The following CDKAL1 variants were observed in gnomAD, a reference collection of about 807,000 sequenced individuals.
CDKAL1 encodes the protein CDKAL1 threonylcarbamoyladenosine tRNA methylthiotransferase.
CDKAL1 carries 32 observed loss-of-function variants against 68.2 expected under a neutral mutation model. The observed-to-expected ratio is 0.47, with a 90% CI of 0.35 to 0.63. The LOEUF (loss-of-function observed/expected upper bound fraction) is 0.63. CDKAL1 is among the 30% of genes least tolerant of loss of function. The probability of loss-of-function intolerance (pLI) is 0.00; values close to 1 mark genes in which losing one functional copy is unlikely to be tolerated. For synonymous variants in CDKAL1, 234 were observed against 244.3 expected (o/e 0.96, Z 0.39); for missense variants, 606 against 696.7 (o/e 0.87, Z 1.47).
At chr6:20,946,929 A>G (rs1199277648) in intron 9 of CDKAL1, among the ~76,000 whole-genome samples, 1 of 152,094 alleles carries the variant, frequency 6.6e-6, no homozygotes, top group African/African-American at 2.4e-5. Flanking sequence ...TGCTTTTAAA[A>G]TTTTTATTAG....
chr6:20,784,549 C>T (rs958430344), intron 8 of CDKAL1, among the ~76,000 whole-genome samples: 2 of 149,692 alleles, frequency 1.3e-5, no homozygotes, highest in East Asian at 2.0e-4. Context: ...CTCAGCCTCC[C>T]GAGTAGCTGG....
chr6:21,021,767 C>T (rs1768682553), intron 11 of CDKAL1, among the ~76,000 whole-genome samples: 1 of 152,136 alleles, frequency 6.6e-6, no homozygotes, highest in South Asian at 2.1e-4. Context: ...ATTTACCTCA[C>T]CTAAGGTAGC....
At chr6:21,159,726 G>A (rs976507936) in intron 13 of CDKAL1, among the ~76,000 whole-genome samples, 1 of 152,190 alleles carries the variant, frequency 6.6e-6, no homozygotes, top group Non-Finnish European at 1.5e-5. Context: ...TCTGAACAGC[G>A]ACACCTAATT....
intron 13 of CDKAL1, among the ~76,000 whole-genome samples, chr6:21,112,553 T>C (rs1214601191): frequency 6.6e-6 from 1 of 152,228 alleles, no homozygotes; most frequent in African/African-American, 2.4e-5. Flanking sequence ...TGGACACACT[T>C]GAGAAGAAAC....
In CDKAL1 at chr6:20,748,700, G is replaced by A. The variant is rs759116766; in HGVS notation, c.468+9085G>A. 9.9e-4 allele frequency among the ~76,000 whole-genome samples: 150 copies of A among 150,886 alleles called. 1 individual carries two copies. Among genetic ancestry groups the A allele is most frequent in the Non-Finnish European group, 5.3e-4 (36 of 67,900 alleles). On this transcript the variant is annotated intron_variant, in intron 6 of 15. Coordinates refer to ENST00000274695, the MANE Select transcript of CDKAL1 (RefSeq NM_017774.3). The stretch of plus-strand genomic sequence containing the variant: ...ATAAAGCCAAGCATACCAAGGATAT[G>A]CACTCAACTGAAGTTTTTTCAACAA...
Position 20,942,263 on chromosome 6 carries a change from T to G in CDKAL1, c.743-13156T>G, listed in dbSNP as rs182050445. Among the ~76,000 whole-genome samples the G allele has an allele frequency of 9.4e-4, 143 of 152,314 alleles. 1 individual carries two copies. Among genetic ancestry groups the G allele is most frequent in the Admixed American group, 2.2e-3 (34 of 15,302 alleles). ...ATAGTGTAAGAACCTTGTAATTTTA[T>G]ATTTCCATTTCCTCTTCTTGTCCTT... On this transcript the variant is annotated intron_variant, in intron 9 of 15. Coordinates refer to ENST00000274695, the MANE Select transcript of CDKAL1 (RefSeq NM_017774.3).
chr6:20,923,936 C>T lies in CDKAL1; in HGVS notation c.743-31483C>T, dbSNP rs1006430575. ...CTGAAGTGGGAGGATTGCTTGAGTCCAAGGGGCGGAGGTTGCAGTGAGCTG... is the reference window on the plus strand; with the variant it reads ...CTGAAGTGGGAGGATTGCTTGAGTCTAAGGGGCGGAGGTTGCAGTGAGCTG... On this transcript the variant is annotated intron_variant, in intron 9 of 15. Transcript: ENST00000274695. Among the ~76,000 whole-genome samples the T allele has an allele frequency of 4.6e-5, 7 of 151,434 alleles. No individual in the cohort carries two copies. The East Asian group carries it at 1.2e-3, about 25-fold the overall frequency.
intron 9 of CDKAL1, among the ~76,000 whole-genome samples, chr6:20,945,016 G>A (rs778797563): frequency 3.3e-5 from 5 of 151,664 alleles, no homozygotes; most frequent in African/African-American, 9.7e-5. Flanking sequence ...CTTTGTCCTA[G>A]AATTGCACTT....
At chr6:20,562,794 A>T (rs984120289) in intron 4 of CDKAL1, among the ~76,000 whole-genome samples, 6 of 152,160 alleles carry the variant, frequency 3.9e-5, no homozygotes, top group Non-Finnish European at 7.3e-5. Context: ...TTCCCGGCAA[A>T]TCATACTTAG....
intron 13 of CDKAL1, among the ~76,000 whole-genome samples, chr6:21,128,199 A>G (rs1562053884): frequency 6.6e-6 from 1 of 152,256 alleles, no homozygotes; most frequent in Non-Finnish European, 1.5e-5. Flanking sequence ...AATAAATTAC[A>G]TGAGATACTT....
intron 4 of CDKAL1, among the ~76,000 whole-genome samples, chr6:20,577,473 G>A (rs1764961982): frequency 1.3e-5 from 2 of 152,098 alleles, no homozygotes; most frequent in African/African-American, 4.8e-5. Context: ...TATTGAACCT[G>A]CCAGTGTATT....
At chr6:20,629,665 C>A (rs182994158) in intron 4 of CDKAL1, among the ~76,000 whole-genome samples, 180 of 152,226 alleles carry the variant, frequency 1.2e-3, no homozygotes, top group African/African-American at 4.1e-3. Context: ...AATATGGATG[C>A]CCTTTTCACC....
At chr6:20,841,851 C>T (rs987553307) in intron 8 of CDKAL1, among the ~76,000 whole-genome samples, 4 of 152,236 alleles carry the variant, frequency 2.6e-5, no homozygotes, top group Non-Finnish European at 1.5e-5. Context: ...CATTCTTGGT[C>T]TCTGGCCATG....
intron 15 of CDKAL1, among the ~76,000 whole-genome samples, chr6:21,220,894 C>T (rs1436067897): frequency 6.6e-6 from 1 of 152,094 alleles, no homozygotes; most frequent in Non-Finnish European, 1.5e-5. Flanking sequence ...GGGCCAGGCA[C>T]GGTGGCTCAT....
At chr6:20,961,481 A>G (rs1319424118) in intron 10 of CDKAL1, among the ~76,000 whole-genome samples, 1 of 152,110 alleles carries the variant, frequency 6.6e-6, no homozygotes, top group Admixed American at 6.5e-5. Flanking sequence ...GAAAAAGAAA[A>G]TATCGGCTGG....
intron 8 of CDKAL1, among the ~76,000 whole-genome samples, chr6:20,797,212 C>G (rs963963961): frequency 2.0e-5 from 3 of 152,126 alleles, no homozygotes; most frequent in African/African-American, 7.2e-5. Flanking sequence ...GGGTAAAAGA[C>G]TTGAACAGAG....
chr6:20,687,879 A>ATT (rs530951843), intron 5 of CDKAL1, among the ~76,000 whole-genome samples: 4,441 of 149,368 alleles, frequency 0.03, 220 homozygotes, highest in African/African-American at 0.1. Context: ...TATGTAAAGG[A>ATT]TTTTTTTTTT....
At chr6:21,158,636 A>G (rs1388103179) in intron 13 of CDKAL1, among the ~76,000 whole-genome samples, 2 of 152,158 alleles carry the variant, frequency 1.3e-5, no homozygotes, top group Non-Finnish European at 2.9e-5. Context: ...CTATGTTTCC[A>G]TTTCTTTTCT....
intron 13 of CDKAL1, among the ~76,000 whole-genome samples, chr6:21,191,144 G>GT (rs1191721190): frequency 6.6e-6 from 1 of 152,196 alleles, no homozygotes; most frequent in Non-Finnish European, 1.5e-5. Context: ...TAATGTCTGC[G>GT]TTTCTTCACA....
Sources: gnomAD v4.1 joint callset for allele counts (sites outside exome capture counted in the v4.1 genomes callset) on GRCh38, gnomAD v4.1.1 for gene constraint, MANE v1.5 for transcripts, NCBI Gene and HGNC (gene_info 2026-07-23, HGNC 2026-07-21) for gene names.